Variants in TMCC1 observed in about 807,000 individuals in gnomAD.
TMCC1 encodes transmembrane and coiled-coil domains protein 1.
Under a neutral mutation model 52.4 loss-of-function variants are expected in TMCC1, and 15 were observed. The ratio of observed to expected loss-of-function variants is 0.29; its 90% CI spans 0.19 to 0.44. The LOEUF (loss-of-function observed/expected upper bound fraction) is 0.44, where lower values mean the gene tolerates loss of function less well. TMCC1 is among the 20% of genes least tolerant of loss of function. The pLI is 1.00. For missense variants in TMCC1, 503 were observed against 806.0 expected (o/e 0.62, Z 4.55); for synonymous variants, 279 against 301.9 (o/e 0.92, Z 0.79).
intron 4 of TMCC1, among the ~76,000 whole-genome samples, chr3:129,744,928 G>C (rs986164456): frequency 6.6e-6 from 1 of 152,160 alleles, no homozygotes; most frequent in Non-Finnish European, 1.5e-5. Context: ...ATCATTTAGA[G>C]TACATCAAGA....
chr3:129,825,499 A>G (rs1018840360), intron 4 of TMCC1, among the ~76,000 whole-genome samples: 1 of 149,002 alleles, frequency 6.7e-6, no homozygotes, highest in Admixed American at 6.7e-5. Context: ...CTTTCCCTTT[A>G]GAAGCTCCGA....
At chr3:129,652,286 A>G (rs1022586004) in intron 6 of TMCC1, among the ~76,000 whole-genome samples, 53 of 152,172 alleles carry the variant, frequency 3.5e-4, no homozygotes, top group Non-Finnish European at 7.1e-4. Context: ...TATTATTTTT[A>G]TTTCCTATCT....
chr3:129,882,486 A>G (rs1490764789), intron 1 of TMCC1, among the ~76,000 whole-genome samples: 2 of 151,532 alleles, frequency 1.3e-5, no homozygotes, highest in Middle Eastern at 3.2e-3. Context: ...TAGAATTACC[A>G]TATGATCCAG....
At chr3:129,754,630 C>T (rs1338257677) in intron 4 of TMCC1, among the ~76,000 whole-genome samples, 1 of 152,100 alleles carries the variant, frequency 6.6e-6, no homozygotes, top group Non-Finnish European at 1.5e-5. Context: ...GTCTTTTAAG[C>T]AAATGGTGAT....
At chr3:129,714,137 G>A (rs1212031529) in intron 4 of TMCC1, among the ~76,000 whole-genome samples, 3 of 152,168 alleles carry the variant, frequency 2.0e-5, no homozygotes, top group Admixed American at 1.3e-4. Flanking sequence ...GTGAGGGAAC[G>A]TCAAAGATAT....
intron 4 of TMCC1, among the ~76,000 whole-genome samples, chr3:129,695,878 T>C (rs369023676): frequency 1.1e-4 from 16 of 152,288 alleles, no homozygotes; most frequent in East Asian, 3.9e-4. Flanking sequence ...CTACAAACCA[T>C]AAATTCTCAT....
chr3:129,760,454 C>G lies in TMCC1; in HGVS notation c.576+67349G>C, dbSNP rs373944490. On this transcript the variant is annotated intron_variant, in intron 4 of 6. Transcript: ENST00000393238. ...TGTGTGTTTTTGAGACAGTCTCGCT[C>G]TGTGTGTGTGTGTGTGTGTGTGTGT... is the stretch of plus-strand genomic sequence containing the variant. 7.9e-4 allele frequency among the ~76,000 whole-genome samples: 102 copies of G among 129,050 alleles called. 2 individuals are homozygous for G. Among genetic ancestry groups the G allele is most frequent in the Non-Finnish European group, 9.8e-4 (60 of 60,970 alleles). 84.7% of individuals were successfully genotyped at this position (129,050 alleles called of 152,430 possible).
intron 4 of TMCC1, among the ~76,000 whole-genome samples, chr3:129,679,030 C>T (rs1333333842): frequency 6.6e-6 from 1 of 152,150 alleles, no homozygotes; most frequent in Non-Finnish European, 1.5e-5. Flanking sequence ...CTTACAATGG[C>T]CATGATCTAC....
chr3:129,795,143 T>C (rs2056738724), intron 4 of TMCC1, among the ~76,000 whole-genome samples: 1 of 152,152 alleles, frequency 6.6e-6, no homozygotes, highest in African/African-American at 2.4e-5. Context: ...GTTAAACACA[T>C]TAAAGTGGCC....
At chr3:129,867,248 A>C (rs2060695268) in intron 2 of TMCC1, 1 of 152,216 alleles carries the variant, frequency 6.6e-6, no homozygotes, top group South Asian at 2.1e-4. Context: ...CTAGTCTCAC[A>C]AACACAGAAA....
chr3:129,766,269 G>A lies in TMCC1; in HGVS notation c.576+61534C>T, dbSNP rs529317510. On this transcript the variant is annotated intron_variant, in intron 4 of 6. Transcript: ENST00000393238. ...GAGAGAAGACTGACACAAAGATAAG[G>A]AGACAGCAACGCCCTGATGTGTTGA... 6.6e-5 allele frequency among the ~76,000 whole-genome samples: 10 copies of A among 152,238 alleles called. No individual in the cohort carries two copies. In the South Asian group the frequency reaches 1.9e-3, roughly 28 times the overall value.
At chr3:129,881,050 G>T (rs1201801827) in intron 1 of TMCC1, among the ~76,000 whole-genome samples, 1 of 151,968 alleles carries the variant, frequency 6.6e-6, no homozygotes, top group Non-Finnish European at 1.5e-5. Context: ...TTTCAGTAGA[G>T]ACTGGGTTTC....
intron 4 of TMCC1, among the ~76,000 whole-genome samples, chr3:129,728,842 GAC>G (rs1380927122): frequency 3.3e-5 from 5 of 152,120 alleles, no homozygotes; most frequent in Non-Finnish European, 7.4e-5. Flanking sequence ...AACTTTCTGA[GAC>G]TGATTTATCA....
At chr3:129,705,825 C>T (rs1234238675) in intron 4 of TMCC1, among the ~76,000 whole-genome samples, 1 of 151,784 alleles carries the variant, frequency 6.6e-6, no homozygotes, top group African/African-American at 2.4e-5. Context: ...ATCTCCTGAC[C>T]TCATGATCTG....
chr3:129,823,834 G>C (rs900283525), intron 4 of TMCC1, among the ~76,000 whole-genome samples: 1 of 152,104 alleles, frequency 6.6e-6, no homozygotes, highest in Non-Finnish European at 1.5e-5. Flanking sequence ...TATTGATAAA[G>C]TACCCAAATC....
intron 3 of TMCC1, among the ~76,000 whole-genome samples, chr3:129,831,907 T>C (rs2058934259): frequency 6.6e-6 from 1 of 152,070 alleles, no homozygotes; most frequent in East Asian, 1.9e-4. Context: ...CAGGCTGGAG[T>C]GCAGTGGCAC....
Position 129,659,846 on chromosome 3 carries a change from T to C in TMCC1, c.1512-4743A>G, listed in dbSNP as rs527430368. ...CCAGGTTTTGGATTAAAATCCCAGC[T>C]CTGCAACTCGCTAGCTTGGGTGATC... On this transcript the variant is annotated intron_variant, in intron 5 of 6. Transcript: ENST00000393238. Among the ~76,000 whole-genome samples the C allele has an allele frequency of 2.6e-5, 4 of 152,278 alleles. No individual in the cohort carries two copies. The South Asian group carries it at 8.3e-4, about 32-fold the overall frequency.
rs375839955 is a variant in TMCC1 at position 129,715,538 on chromosome 3, T to TCAAA, written c.577-44278_577-44275dup. Among the ~76,000 whole-genome samples, 492 of 152,280 alleles carry TCAAA rather than the reference T, an allele frequency of 3.2e-3. 3 individuals carry two copies. The highest frequency in any genetic ancestry group is 4.8e-3 in the Non-Finnish European group (326 of 68,030). ...TAGCCTGGGCAACAGAGACTCCATCTCAAACAAACAAACAAACAAACACTC... is the reference window on the plus strand; with the variant it reads ...TAGCCTGGGCAACAGAGACTCCATCTCAAACAAACAAACAAACAAACAAACACTC... On this transcript the variant is annotated intron_variant, in intron 4 of 6. Transcript: ENST00000393238.
At chr3:129,773,026 C>CATACT (rs2054740256) in intron 4 of TMCC1, among the ~76,000 whole-genome samples, 1 of 152,158 alleles carries the variant, frequency 6.6e-6, no homozygotes, top group African/African-American at 2.4e-5. Context: ...AACCCAAAGA[C>CATACT]ATACTGGCAA....
Sources: gnomAD v4.1 joint callset for allele counts (sites outside exome capture counted in the v4.1 genomes callset) on GRCh38, gnomAD v4.1.1 for gene constraint, MANE v1.5 for transcripts, NCBI Gene and HGNC (gene_info 2026-07-23, HGNC 2026-07-21) for gene names.